COL23A1: variants seen among roughly 807,000 people sequenced by gnomAD.
The protein encoded by COL23A1 is collagen alpha-1(XXIII) chain.
A neutral mutation model predicts 99.3 loss-of-function variants in COL23A1; 97 were observed. The ratio of observed to expected loss-of-function variants is 0.98; its 90% CI spans 0.83 to 1.16. COL23A1 has a LOEUF of 1.16. COL23A1 is among the 50% of genes most tolerant of loss of function. The pLI, the probability that COL23A1 is intolerant of heterozygous loss-of-function variation, is 0.00. For synonymous variants in COL23A1, 320 were observed against 308.2 expected (o/e 1.04, Z -0.40); for missense variants, 762 against 757.4 (o/e 1.01, Z -0.07).
chr5:178,414,754 A>G (rs937005991), intron 2 of COL23A1, among the ~76,000 whole-genome samples: 2 of 152,220 alleles, frequency 1.3e-5, no homozygotes, highest in African/African-American at 4.8e-5. Context: ...CATGAGTGAC[A>G]GAGTGAGACT....
intron 2 of COL23A1, among the ~76,000 whole-genome samples, chr5:178,541,660 T>G (rs1013493728): frequency 2.0e-5 from 3 of 152,186 alleles, no homozygotes; most frequent in Non-Finnish European, 4.4e-5. Flanking sequence ...ACAACAGAAA[T>G]GCATACGTAT....
At chr5:178,399,989 A>G (rs1181350576) in intron 2 of COL23A1, among the ~76,000 whole-genome samples, 1 of 152,210 alleles carries the variant, frequency 6.6e-6, no homozygotes, top group Admixed American at 6.5e-5. Flanking sequence ...GTTGATCGAT[A>G]TTTGTTGGTT....
chr5:178,465,293 A>T (rs1756354215), intron 2 of COL23A1, among the ~76,000 whole-genome samples: 1 of 152,194 alleles, frequency 6.6e-6, no homozygotes, highest in African/African-American at 2.4e-5. Flanking sequence ...TCTGGGACTT[A>T]GAACACCAGG....
chr5:178,421,368 C>T (rs527977090), intron 2 of COL23A1, among the ~76,000 whole-genome samples: 1 of 152,310 alleles, frequency 6.6e-6, no homozygotes, highest in South Asian at 2.1e-4. Context: ...ATCACTCAGC[C>T]TCTCTGAGCT....
chr5:178,403,127 T>C lies in COL23A1; in HGVS notation c.362-96208A>G, dbSNP rs56401219. On this transcript the variant is annotated intron_variant, in intron 2 of 28. Coordinates refer to ENST00000390654, the MANE Select transcript of COL23A1 (RefSeq NM_173465.4). Reference sequence around the variant, plus strand: ...CCATCTCAAAAAAAAAAAAAATAAATAAATAAAAAATAAATACCATTTACC... The same window carrying C: ...CCATCTCAAAAAAAAAAAAAATAAACAAATAAAAAATAAATACCATTTACC... Among the ~76,000 whole-genome samples, 3 of 52,804 alleles carry C rather than the reference T, an allele frequency of 5.7e-5. 1 individual carries two copies. The highest frequency in any genetic ancestry group is 1.0e-4 in the Non-Finnish European group (3 of 28,886). 34.6% of individuals were successfully genotyped at this position (52,804 alleles called of 152,430 possible). A position where few individuals can be genotyped will look rare whatever the true frequency, so the allele number is the denominator to read the frequency against.
intron 2 of COL23A1, among the ~76,000 whole-genome samples, chr5:178,477,099 T>C (rs1476621928): frequency 2.0e-5 from 3 of 152,224 alleles, no homozygotes; most frequent in Non-Finnish European, 4.4e-5. Context: ...CTGTAAGCAA[T>C]GACGGCTGGA....
intron 2 of COL23A1, among the ~76,000 whole-genome samples, chr5:178,350,595 C>A (rs1376051112): frequency 1.3e-5 from 2 of 152,170 alleles, no homozygotes; most frequent in African/African-American, 4.8e-5. Flanking sequence ...TAATTATAAC[C>A]CCGGGTTCCA....
At chr5:178,385,471 G>A (rs1263453712) in intron 2 of COL23A1, among the ~76,000 whole-genome samples, 1 of 152,190 alleles carries the variant, frequency 6.6e-6, no homozygotes, top group African/African-American at 2.4e-5. Context: ...CTCTTAGGAC[G>A]TGAGTGCAGC....
At chr5:178,286,904 A>G (rs1757187286) in intron 5 of COL23A1, among the ~76,000 whole-genome samples, 1 of 152,148 alleles carries the variant, frequency 6.6e-6, no homozygotes, top group Admixed American at 6.5e-5. Flanking sequence ...CCACTCATCT[A>G]CACCCCACCC....
In COL23A1 at chr5:178,474,604, G is replaced by A. The variant is rs116700572; in HGVS notation, c.361+86078C>T. On this transcript the variant is annotated intron_variant, in intron 2 of 28. Coordinates refer to ENST00000390654, the MANE Select transcript of COL23A1 (RefSeq NM_173465.4). ...AACCTTTCTAACTGTAGAGGAACAT[G>A]GCATACAGAGGACTTATCTTTGAAC... Among the ~76,000 whole-genome samples the A allele has an allele frequency of 6.3e-3, 953 of 152,264 alleles. 13 individuals carry two copies. The highest frequency in any genetic ancestry group is 0.022 in the African/African-American group (915 of 41,546).
At chr5:178,465,075 T>A (rs915631424) in intron 2 of COL23A1, among the ~76,000 whole-genome samples, 1 of 152,162 alleles carries the variant, frequency 6.6e-6, no homozygotes, top group African/African-American at 2.4e-5. Context: ...AAAAATCATA[T>A]CCAAAGCCCA....
At chr5:178,289,904 A>AT (rs950319879) in intron 4 of COL23A1, among the ~76,000 whole-genome samples, 4 of 152,044 alleles carry the variant, frequency 2.6e-5, no homozygotes, top group African/African-American at 4.8e-5. Flanking sequence ...TGTATGACTG[A>AT]TTTTTTCCCC....
chr5:178,473,241 C>G (rs1006941190), intron 2 of COL23A1, among the ~76,000 whole-genome samples: 1 of 152,066 alleles, frequency 6.6e-6, no homozygotes, highest in Non-Finnish European at 1.5e-5. Context: ...TATAAGTAAT[C>G]TAGAGACTTA....
chr5:178,357,944 G>GCGTA (rs1761806472), intron 2 of COL23A1, among the ~76,000 whole-genome samples: 1 of 145,678 alleles, frequency 6.9e-6, no homozygotes, highest in African/African-American at 2.5e-5. Flanking sequence ...GTATGTATGT[G>GCGTA]TGTGTATGTA....
intron 2 of COL23A1, among the ~76,000 whole-genome samples, chr5:178,345,701 T>C (rs545267473): frequency 1.5e-4 from 22 of 151,636 alleles, no homozygotes; most frequent in Non-Finnish European, 2.5e-4. Context: ...TATTTTTTTT[T>C]TTTTCAGTAG....
At chr5:178,473,128 C>T (rs1397772468) in intron 2 of COL23A1, among the ~76,000 whole-genome samples, 1 of 151,562 alleles carries the variant, frequency 6.6e-6, no homozygotes, top group Admixed American at 6.6e-5. Context: ...CTTCGCCATC[C>T]CCCCAAAAAA....
chr5:178,288,369 CATT>C lies in COL23A1; in HGVS notation c.415-22_415-20del. 1 of 1,606,748 alleles carries C rather than the reference CATT, an allele frequency of 6.2e-7. No individual in the cohort carries two copies. On this transcript the variant is annotated intron_variant, in intron 4 of 28. Coordinates refer to ENST00000390654, the MANE Select transcript of COL23A1 (RefSeq NM_173465.4). ...ATTGCCCCTGTGGTAATTAATATGT[CATT>C]AATAATCAGAGTTTCGGCAGAAACC... is the stretch of plus-strand genomic sequence containing the variant.
At chr5:178,271,405 C>T (rs558182500) in intron 5 of COL23A1, among the ~76,000 whole-genome samples, 6 of 152,214 alleles carry the variant, frequency 3.9e-5, no homozygotes, top group African/African-American at 1.4e-4. Context: ...CTTCTTTGTC[C>T]ATCTTCAGCT....
chr5:178,556,605 A>G (rs1762285687), intron 2 of COL23A1, among the ~76,000 whole-genome samples: 1 of 145,720 alleles, frequency 6.9e-6, no homozygotes, highest in Admixed American at 6.8e-5. Flanking sequence ...CCTGGGCAAC[A>G]AGAACGAAAC....
Sources: gnomAD v4.1 joint callset for allele counts (sites outside exome capture counted in the v4.1 genomes callset) on GRCh38, gnomAD v4.1.1 for gene constraint, MANE v1.5 for transcripts, NCBI Gene and HGNC (gene_info 2026-07-23, HGNC 2026-07-21) for gene names.